The following SERPING1 variants were observed in gnomAD, a reference collection of about 807,000 sequenced individuals.
SERPING1 encodes the protein plasma protease C1 inhibitor.
In SERPING1, 5 loss-of-function variants were observed where a neutral mutation model predicts 34.1. That is an observed-to-expected ratio of 0.15 (90% CI 0.08 to 0.31). The LOEUF (loss-of-function observed/expected upper bound fraction) is 0.31, where lower values mean the gene tolerates loss of function less well. SERPING1 is among the 10% of genes least tolerant of loss of function. SERPING1 has a pLI of 1.00. For synonymous variants in SERPING1, 225 were observed against 242.4 expected (o/e 0.93, Z 0.67); for missense variants, 505 against 609.5 (o/e 0.83, Z 1.81).
chr11:57,598,314 T>C lies in SERPING1; in HGVS notation c.44T>C (p.Leu15Pro), dbSNP rs1242551576. ...CTGCTGACCCTCCTGCTGCTGCTGCTGGCTGGGGTATGTGGTCCCTTGTGG... is the reference window on the plus strand; with the variant it reads ...CTGCTGACCCTCCTGCTGCTGCTGCCGGCTGGGGTATGTGGTCCCTTGTGG... ...LTLLTLLLLL[L>P]AGDRASSNPN... is the part of the protein sequence containing the mutation. Residue 15 changes from leucine to proline, a missense_variant, in exon 2 of 8, where the codon CTG (leucine) becomes CCG (proline). By Grantham distance (98) the Leu-to-Pro change is moderately conservative. Coordinates refer to ENST00000278407, the MANE Select transcript of SERPING1 (RefSeq NM_000062.3). The C allele has an allele frequency of 6.4e-7, 1 of 1,562,588 alleles. No homozygotes were observed. Among genetic ancestry groups the C allele is most frequent in the Non-Finnish European group, 8.7e-7 (1 of 1,154,948 alleles).
chr11:57,607,774 C>T (rs947537910), intron 6 of SERPING1, among the ~76,000 whole-genome samples: 5 of 152,172 alleles, frequency 3.3e-5, no homozygotes, highest in Admixed American at 6.5e-5. Flanking sequence ...GTTCTCCTGC[C>T]TCAGCCTCCC....
chr11:57,605,923 A>G, intron 4 of SERPING1, 87 bp from the exon 5 acceptor site: 2 of 1,232,660 alleles, frequency 1.6e-6, no homozygotes, highest in Non-Finnish European at 2.4e-6. Context: ...AGATAGAACC[A>G]TAGAAAGCAT....
At position 57,614,739 on chromosome 11, in the gene SERPING1, G is replaced by C. The variant is rs1390288708; in HGVS notation, c.*158G>C. 10 of 781,608 alleles carry C rather than the reference G, an allele frequency of 1.3e-5. No homozygotes were observed. Among genetic ancestry groups the C allele is most frequent in the Non-Finnish European group, 2.0e-5 (10 of 497,504 alleles). 48.4% of individuals were successfully genotyped at this position (781,608 alleles called of 1,614,324 possible). On this transcript the variant is annotated 3_prime_UTR_variant, in exon 8 of 8. Coordinates refer to ENST00000278407, the MANE Select transcript of SERPING1 (RefSeq NM_000062.3). ...CCCTGAGGGTCTGGGCAAGGGACCT[G>C]CTTCTATTAGCCCTTCTCCATGGCC...
rs371336161 is a variant in SERPING1 at position 57,605,017 on chromosome 11, T to C, written c.686-993T>C. 4.6e-5 allele frequency among the ~76,000 whole-genome samples: 7 copies of C among 152,132 alleles called. No homozygotes were observed. The East Asian group carries it at 1.2e-3, about 25-fold the overall frequency. ...CCCTGTCTCTAAAAAAAAAAAAATTTAATTTAAATTTTAAAAACTCACCTA... is the reference window on the plus strand; with the variant it reads ...CCCTGTCTCTAAAAAAAAAAAAATTCAATTTAAATTTTAAAAACTCACCTA... On this transcript the variant is annotated intron_variant, in intron 4 of 7. Transcript: ENST00000278407.
At chr11:57,612,570 C>T (rs981540532) in intron 7 of SERPING1, among the ~76,000 whole-genome samples, 22 of 151,812 alleles carry the variant, frequency 1.4e-4, no homozygotes, top group African/African-American at 5.3e-4. Context: ...CCCGCCACCA[C>T]GCCTGGCTAA....
At chr11:57,597,970 C>CCCCCTCCCCCTCCCACCACCT (rs1945306087) in intron 1 of SERPING1, 1 of 476,128 alleles carries the variant, frequency 2.1e-6, no homozygotes, top group Admixed American at 3.4e-5. Flanking sequence ...TAAAGCAGGA[C>CCCCCTCCCCCTCCCACCACCT]CCCCTCCCCC....
At chr11:57,612,010 A>G in intron 7 of SERPING1, 74 bp downstream of exon 7, 1 of 1,244,080 alleles carries the variant, frequency 8.0e-7, no homozygotes, top group Non-Finnish European at 1.2e-6. Context: ...TGTAGTTAGC[A>G]TTCTCTAGAG....
intron 2 of SERPING1, among the ~76,000 whole-genome samples, chr11:57,598,894 G>A (rs1945316451): frequency 6.6e-6 from 1 of 151,460 alleles, no homozygotes; most frequent in Non-Finnish European, 1.5e-5. Context: ...AGAAGTGCAG[G>A]ATCCCAGGAG....
chr11:57,599,775 A>G (rs1945326227), intron 2 of SERPING1, 104 bp from the exon 3 acceptor site: 1 of 1,517,092 alleles, frequency 6.6e-7, no homozygotes. Context: ...ACTCTCTTGT[A>G]CAGGACATTT....
At chr11:57,607,449 A>AT (rs1945423455) in intron 6 of SERPING1, among the ~76,000 whole-genome samples, 1 of 152,102 alleles carries the variant, frequency 6.6e-6, no homozygotes, top group Admixed American at 6.5e-5. Flanking sequence ...TATGTCATTT[A>AT]TTTGCTTATT....
chr11:57,614,799 C>T lies in SERPING1; in HGVS notation c.*218C>T. On this transcript the variant is annotated 3_prime_UTR_variant, in exon 8 of 8. Coordinates refer to ENST00000278407, the MANE Select transcript of SERPING1 (RefSeq NM_000062.3). ...TCTCCAAACCACTTTTTGCAGCTTT[C>T]TCTAGTTCAAGTTCACCAGACTCTA... is the stretch of plus-strand genomic sequence containing the variant. 1 of 567,790 alleles carries T rather than the reference C, an allele frequency of 1.8e-6. No individual in the cohort carries two copies. Among genetic ancestry groups the T allele is most frequent in the Non-Finnish European group, 3.1e-6 (1 of 320,712 alleles). 35.2% of individuals were successfully genotyped at this position (567,790 alleles called of 1,614,324 possible).
intron 4 of SERPING1, among the ~76,000 whole-genome samples, chr11:57,604,365 C>A (rs984333164): frequency 6.6e-6 from 1 of 152,018 alleles, no homozygotes; most frequent in African/African-American, 2.4e-5. Flanking sequence ...ACTTACAAAA[C>A]GATCCAATGT....
chr11:57,612,691 A>G (rs1424149676), intron 7 of SERPING1, among the ~76,000 whole-genome samples: 1 of 152,020 alleles, frequency 6.6e-6, no homozygotes, highest in African/African-American at 2.4e-5. Context: ...TGCTGGGATT[A>G]CAGGCATGAG....
intron 4 of SERPING1, among the ~76,000 whole-genome samples, chr11:57,604,930 A>T (rs977290305): frequency 1.1e-4 from 16 of 151,908 alleles, no homozygotes; most frequent in Non-Finnish European, 4.4e-5. Context: ...GAGCCAAGGA[A>T]TTCGAAGTTA....
chr11:57,611,481 G>A (rs911374384), intron 6 of SERPING1: 7 of 579,828 alleles, frequency 1.2e-5, no homozygotes, highest in East Asian at 1.2e-4. Context: ...GTGGAGTCAG[G>A]GTATAATCAG....
chr11:57,612,078 G>A (rs1945484110), intron 7 of SERPING1, 142 bp downstream of exon 7: 1 of 757,492 alleles, frequency 1.3e-6, no homozygotes, highest in South Asian at 1.5e-5. Flanking sequence ...AGAGGGGTAG[G>A]TGCTATTATC....
At chr11:57,613,383 C>T (rs1461925097) in intron 7 of SERPING1, among the ~76,000 whole-genome samples, 1 of 152,176 alleles carries the variant, frequency 6.6e-6, no homozygotes, top group Non-Finnish European at 1.5e-5. Flanking sequence ...ACTGGGTTGT[C>T]ACCTGTGCAT....
chr11:57,610,294 G>A (rs1236752648), intron 6 of SERPING1, among the ~76,000 whole-genome samples: 1 of 152,156 alleles, frequency 6.6e-6, no homozygotes. Flanking sequence ...CCCAAGGAAG[G>A]GGGTGAGATT....
chr11:57,602,918 T>C (rs980777189), intron 4 of SERPING1, among the ~76,000 whole-genome samples: 16 of 145,764 alleles, frequency 1.1e-4, no homozygotes, highest in African/African-American at 3.8e-4. Flanking sequence ...TGGCGAAACC[T>C]GTCTCCATTA....
Sources: allele counts gnomAD v4.1 joint callset (sites outside exome capture counted in the v4.1 genomes callset), GRCh38; gene constraint gnomAD v4.1.1; transcripts MANE v1.5; gene names NCBI Gene and HGNC (gene_info 2026-07-23, HGNC 2026-07-21).